The following SUPT3H variants were observed in gnomAD, a reference collection of about 807,000 sequenced individuals.
The protein encoded by SUPT3H is transcription initiation protein SPT3 homolog.
Under a neutral mutation model 44.3 loss-of-function variants are expected in SUPT3H, and 44 were observed. The ratio of observed to expected loss-of-function variants is 0.99; its 90% CI spans 0.78 to 1.28. The LOEUF (loss-of-function observed/expected upper bound fraction) is 1.28, where lower values mean the gene tolerates loss of function less well. SUPT3H is among the 50% of genes most tolerant of loss of function. The pLI, the probability that SUPT3H is intolerant of heterozygous loss-of-function variation, is 0.00. For missense variants in SUPT3H, 380 were observed against 387.1 expected, an observed-to-expected ratio of 0.98 and a Z score of 0.15; for synonymous variants, 124 against 125.6, an observed-to-expected ratio of 0.99 and a Z score of 0.09.
At chr6:45,309,080 A>T (rs1337743244) in intron 2 of SUPT3H, among the ~76,000 whole-genome samples, 1 of 151,754 alleles carries the variant, frequency 6.6e-6, no homozygotes, top group Non-Finnish European at 1.5e-5. Flanking sequence ...CATTTTGAAT[A>T]AAAAGAAAAA....
At chr6:45,302,530 TA>T (rs2149933589) in intron 2 of SUPT3H, among the ~76,000 whole-genome samples, 2 of 41,922 alleles carry the variant, frequency 4.8e-5, no homozygotes, top group East Asian at 0.04. Flanking sequence ...TATATATATA[TA>T]TATATATATA....
intron 3 of SUPT3H, among the ~76,000 whole-genome samples, chr6:45,085,846 T>G: frequency 6.6e-6 from 1 of 152,062 alleles, no homozygotes; most frequent in East Asian, 1.9e-4. Context: ...TTTGCTTGTC[T>G]GGGGAAAAGG....
intron 2 of SUPT3H, among the ~76,000 whole-genome samples, chr6:45,181,217 C>T (rs1584088571): frequency 2.8e-5 from 3 of 107,166 alleles, no homozygotes; most frequent in Non-Finnish European, 3.8e-5. Flanking sequence ...CAGGAAACAA[C>T]ACGTGCTGGA....
chr6:44,908,665 C>T (rs1766509996), intron 10 of SUPT3H, among the ~76,000 whole-genome samples: 1 of 152,128 alleles, frequency 6.6e-6, no homozygotes, highest in African/African-American at 2.4e-5. Context: ...GTCACCTTTA[C>T]ACCCCAGAAA....
intron 6 of SUPT3H, among the ~76,000 whole-genome samples, chr6:44,963,484 C>T (rs1325798245): frequency 2.0e-5 from 3 of 151,978 alleles, no homozygotes; most frequent in South Asian, 2.1e-4. Flanking sequence ...AGTGAGACTC[C>T]GTCTCAAACA....
At chr6:45,041,597 T>C (rs6458417) in intron 3 of SUPT3H, among the ~76,000 whole-genome samples, 149,247 of 152,350 alleles carry the variant, frequency 0.98, 73,116 homozygotes, top group Middle Eastern at 1. Flanking sequence ...AAATGCCAAA[T>C]TTTCCAAATC....
intron 10 of SUPT3H, among the ~76,000 whole-genome samples, chr6:44,895,007 G>A (rs562836778): frequency 6.6e-6 from 1 of 151,804 alleles, no homozygotes; most frequent in Non-Finnish European, 1.5e-5. Flanking sequence ...TGATATAATG[G>A]GAATGTGCCA....
rs757463413 is a variant in SUPT3H at position 44,830,949 on chromosome 6, A to ATCT, written c.913-1095_913-1093dup. ...AAGATAATGCTATGGAGGCAGTGAA[A>ATCT]TCTTCATCTTAAAAAATAATTAAAC... On this transcript the variant is annotated intron_variant, in intron 10 of 10. Transcript: ENST00000371459. 6.0e-4 allele frequency among the ~76,000 whole-genome samples: 91 copies of ATCT among 151,032 alleles called. 1 individual carries two copies. Among genetic ancestry groups the ATCT allele is most frequent in the South Asian group, 1.0e-3 (5 of 4,796 alleles).
At position 44,971,812 on chromosome 6, in the gene SUPT3H, G is replaced by A. The variant is rs536356113; in HGVS notation, c.505-9984C>T. On this transcript the variant is annotated intron_variant, in intron 6 of 10. Transcript: ENST00000371459. The stretch of plus-strand genomic sequence containing the variant: ...TCTTGAGACGGAGTCTCACTCTGTC[G>A]CCCAGGCTGGAGTGCAGTGGTGCAA... 1.3e-4 allele frequency among the ~76,000 whole-genome samples: 20 copies of A among 151,402 alleles called. 1 individual carries two copies. In the South Asian group the frequency reaches 2.9e-3, roughly 22 times the overall value.
In SUPT3H at chr6:44,979,549, G is replaced by T. The variant is rs547946633; in HGVS notation, c.505-17721C>A. ...GAATGAACAAAGTGTGTGTGGGGGG[G>T]GGAAATCAATGTTCTATGTAAAAGG... On this transcript the variant is annotated intron_variant, in intron 6 of 10. Transcript: ENST00000371459. 7.2e-5 allele frequency among the ~76,000 whole-genome samples: 11 copies of T among 152,158 alleles called. No individual in the cohort carries two copies. The South Asian group carries it at 1.2e-3, about 17-fold the overall frequency.
At chr6:44,880,372 T>C (rs981017240) in intron 10 of SUPT3H, among the ~76,000 whole-genome samples, 2 of 151,688 alleles carry the variant, frequency 1.3e-5, no homozygotes, top group African/African-American at 4.8e-5. Flanking sequence ...AAGACAACAT[T>C]AGAGAAAAAA....
chr6:45,113,262 T>G (rs1451530329), intron 2 of SUPT3H, among the ~76,000 whole-genome samples: 1 of 152,160 alleles, frequency 6.6e-6, no homozygotes, highest in African/African-American at 2.4e-5. Flanking sequence ...AGATGATGTA[T>G]GTGAACACAG....
rs182950373 is a variant in SUPT3H at position 44,999,576 on chromosome 6, T to C, written c.504+4077A>G. Reference sequence around the variant, plus strand: ...TCCCTGAAGAGACCCATGGAATCCTTGGAGTTGTACGATTTTAAGACTATT... The same window carrying C: ...TCCCTGAAGAGACCCATGGAATCCTCGGAGTTGTACGATTTTAAGACTATT... On this transcript the variant is annotated intron_variant, in intron 6 of 10. Coordinates refer to ENST00000371459, the MANE Select transcript of SUPT3H (RefSeq NM_003599.4). Among the ~76,000 whole-genome samples, 274 of 152,140 alleles carry C rather than the reference T, an allele frequency of 1.8e-3. 1 individual carries two copies. The highest frequency in any genetic ancestry group is 3.0e-3 in the Non-Finnish European group (205 of 67,972).
chr6:44,992,048 A>G (rs974671328), intron 6 of SUPT3H, among the ~76,000 whole-genome samples: 3 of 152,204 alleles, frequency 2.0e-5, no homozygotes, highest in African/African-American at 7.2e-5. Flanking sequence ...TGGTTATTAC[A>G]ACAACCACAA....
At chr6:45,360,154 T>G (rs1794001297) in intron 2 of SUPT3H, among the ~76,000 whole-genome samples, 1 of 152,230 alleles carries the variant, frequency 6.6e-6, no homozygotes, top group African/African-American at 2.4e-5. Flanking sequence ...GAGTCAGACT[T>G]CCTGGCATTA....
chr6:45,175,192 T>G (rs115872551), intron 2 of SUPT3H, among the ~76,000 whole-genome samples: 4,637 of 152,202 alleles, frequency 0.03, 87 homozygotes, highest in Non-Finnish European at 0.046. Context: ...GATGTGTGTG[T>G]GTGCACATAT....
At chr6:44,883,561 T>C (rs1296129998) in intron 10 of SUPT3H, among the ~76,000 whole-genome samples, 4 of 152,128 alleles carry the variant, frequency 2.6e-5, no homozygotes, top group Non-Finnish European at 5.9e-5. Flanking sequence ...AAAGAGCTCA[T>C]ATAGCTAAGA....
intron 6 of SUPT3H, among the ~76,000 whole-genome samples, chr6:44,989,627 G>A (rs75150960): frequency 0.019 from 2,953 of 152,022 alleles, 55 homozygotes; most frequent in South Asian, 0.086. Context: ...CACAAATAAC[G>A]TACAAAGGTT....
At chr6:45,227,524 C>T (rs940843898) in intron 2 of SUPT3H, among the ~76,000 whole-genome samples, 3 of 152,166 alleles carry the variant, frequency 2.0e-5, no homozygotes, top group Non-Finnish European at 2.9e-5. Flanking sequence ...TAGTTTTAAA[C>T]TATTTCCAGG....
Sources: allele counts gnomAD v4.1 joint callset (sites outside exome capture counted in the v4.1 genomes callset), GRCh38; gene constraint gnomAD v4.1.1; transcripts MANE v1.5; gene names NCBI Gene and HGNC (gene_info 2026-07-23, HGNC 2026-07-21).